Variants in UMODL1 observed in about 807,000 individuals in gnomAD.
UMODL1 encodes the protein uromodulin like 1.
UMODL1 carries 128 observed loss-of-function variants against 136.3 expected under a neutral mutation model. The observed-to-expected ratio is 0.94, with a 90% CI of 0.81 to 1.09. UMODL1 has a LOEUF of 1.09. Among genes scored for constraint, UMODL1 ranks in the 50% least tolerant of loss-of-function variants. The probability of loss-of-function intolerance (pLI) is 0.00; values close to 1 mark genes in which losing one functional copy is unlikely to be tolerated. For missense variants in UMODL1, 1,766 were observed against 1,725.6 expected, an observed-to-expected ratio of 1.02 and a Z score of -0.41; for synonymous variants, 721 against 720.0, an observed-to-expected ratio of 1.00 and a Z score of -0.02.
chr21:42,127,604 A>C (rs2067076528), intron 19 of UMODL1, 68 bp from the exon 20 acceptor site: 7 of 1,516,400 alleles, frequency 4.6e-6, no homozygotes, highest in Admixed American at 2.1e-5. Context: ...GTCGTGAGTA[A>C]ACTCATCTGA....
At chr21:42,079,824 AT>A (rs1351710181) in intron 2 of UMODL1, among the ~76,000 whole-genome samples, 1 of 152,138 alleles carries the variant, frequency 6.6e-6, no homozygotes, top group African/African-American at 2.4e-5. Flanking sequence ...CCCCAGGCAG[AT>A]TTTTGGGGGT....
chr21:42,073,031 CGT>C (rs774254202), intron 1 of UMODL1, among the ~76,000 whole-genome samples: 8 of 151,160 alleles, frequency 5.3e-5, no homozygotes, highest in African/African-American at 9.7e-5. Context: ...TGCGCGCGCG[CGT>C]GTGTGTGTGT....
At chr21:42,121,262 T>C in intron 16 of UMODL1, 38 bp downstream of exon 16, 3 of 1,574,646 alleles carry the variant, frequency 1.9e-6, no homozygotes, top group Non-Finnish European at 2.6e-6. Context: ...GAATACTGTA[T>C]CATAATCGGT....
At position 42,088,162 on chromosome 21, in the gene UMODL1, A is replaced by G. The variant is rs1045442619; in HGVS notation, c.604-132A>G. ...ATAGTGATGGATAGATAAGTACTGTAGAGGTTCTTTGCTGAAGAGCAGAAT... is the reference window on the plus strand; with the variant it reads ...ATAGTGATGGATAGATAAGTACTGTGGAGGTTCTTTGCTGAAGAGCAGAAT... On this transcript the variant is annotated intron_variant, in intron 4 of 22. Coordinates refer to ENST00000408910, the MANE Select transcript of UMODL1 (RefSeq NM_001004416.3). 10 of 894,096 alleles carry G rather than the reference A, an allele frequency of 1.1e-5. No individual in the cohort carries two copies. In the Admixed American group the frequency reaches 1.3e-4, roughly 12 times the overall value. 55.4% of individuals were successfully genotyped at this position (894,096 alleles called of 1,614,324 possible).
rs377183630 is a variant in UMODL1, at chr21:42,104,080, C to T, written c.1512C>T (p.Arg504=). The T allele has an allele frequency of 6.2e-6, 10 of 1,609,704 alleles. No individual in the cohort carries two copies. The highest frequency in any genetic ancestry group is 1.7e-4 in the Middle Eastern group (1 of 6,034). The change falls in exon 9 of 23, where the codon CGC becomes CGT. Residue 504 remains arginine (R), a synonymous_variant. Coordinates refer to ENST00000408910, the MANE Select transcript of UMODL1 (RefSeq NM_001004416.3). ...TVFQIDRQGT[R]VQDWDECVDS... ...TCCAGATTGACCGGCAGGGGACACG[C>T]GTGCAAGGTATGGCCCAGCCACCCG... is the stretch of plus-strand genomic sequence containing the variant.
chr21:42,071,279 A>T, upstream of UMODL1: 1 of 1,482,700 alleles, frequency 6.7e-7, no homozygotes, highest in Non-Finnish European at 9.0e-7. Flanking sequence ...GCTTCTTGGT[A>T]GAGGCCCAGA....
At position 42,095,089 on chromosome 21, in the gene UMODL1, G is replaced by GGTTTTTTTTTTTTTTTTT. The variant is rs1555922532; in HGVS notation, c.932-3837_932-3836insGTTTTTTTTTTTTTTTTT. Reference sequence around the variant, plus strand: ...CATCACTCCTTTGTTTTCTTCTGCTGTTTTTTTTTTTTTTTTTTTTTTTGA... The same window carrying GGTTTTTTTTTTTTTTTTT: ...CATCACTCCTTTGTTTTCTTCTGCTGGTTTTTTTTTTTTTTTTTTTTTTTTTTTTTTTTTTTTTTTTGA... On this transcript the variant is annotated intron_variant, in intron 6 of 22. Coordinates refer to ENST00000408910, the MANE Select transcript of UMODL1 (RefSeq NM_001004416.3). Among the ~76,000 whole-genome samples the GGTTTTTTTTTTTTTTTTT allele has an allele frequency of 3.6e-3, 219 of 61,208 alleles. 43 individuals carry two copies. The highest frequency in any genetic ancestry group is 6.2e-3 in the South Asian group (9 of 1,448). The allele number at this position is 61,208 out of a possible 152,430, so 40.2% of individuals were successfully genotyped here.
In UMODL1 at chr21:42,071,330, C is replaced by T. The variant is rs376886035; in HGVS notation, c.14C>T (p.Ser5Leu). MLRTSGLALLALVSA... is the reference protein window; with the variant it reads MLRTLGLALLALVSA... ...CACTGCCGGACGATGCTCAGGACCT[C>T]GGGGCTGGCACTGCTGGCTCTGGTC... Residue 5 changes from serine to leucine, a missense_variant, in exon 1 of 23, where the codon TCG (serine) becomes TTG (leucine). By Grantham distance (145) the Ser-to-Leu change is moderately radical. Transcript: ENST00000408910. 9.5e-5 allele frequency: 152 copies of T among 1,594,134 alleles called. No individual in the cohort carries two copies. The highest frequency in any genetic ancestry group is 1.0e-4 in the Non-Finnish European group (122 of 1,170,668).
intron 3 of UMODL1, 99 bp downstream of exon 3, chr21:42,084,344 G>C (rs969437784): frequency 3.4e-5 from 46 of 1,358,716 alleles, no homozygotes; most frequent in Middle Eastern, 2.6e-4. Flanking sequence ...GTTTCTAGGA[G>C]CAGTGACCGA....
chr21:42,090,395 A>C lies in UMODL1; in HGVS notation c.888A>C (p.Glu296Asp). The C allele has an allele frequency of 6.2e-6, 10 of 1,614,062 alleles. No individual in the cohort carries two copies. The highest frequency in any genetic ancestry group is 8.5e-6 in the Non-Finnish European group (10 of 1,179,956). ...CGTACTGGTGCGTCTGTCACCAGGA[A>C]GCTCCAGCCACGTCTCCACGGAAGC... is the stretch of plus-strand genomic sequence containing the variant. Reference protein sequence around the residue: ...EGSYWCVCHQEAPATSPRKLN... With the variant: ...EGSYWCVCHQDAPATSPRKLN... The change falls in exon 6 of 23, where the codon GAA becomes GAC. Residue 296 changes from glutamate (E) to aspartate (D), a missense_variant. Glu to Asp is a conservative substitution (Grantham distance 45). Transcript: ENST00000408910.
At chr21:42,128,225 G>T in intron 20 of UMODL1, 1 of 297,688 alleles carries the variant, frequency 3.4e-6, no homozygotes, top group Non-Finnish European at 6.6e-6. Context: ...CAGACACTCT[G>T]TTATTTAATA....
At chr21:42,126,544 C>A (rs750304734) in intron 18 of UMODL1, 54 bp downstream of exon 18, 2 of 1,611,712 alleles carry the variant, frequency 1.2e-6, no homozygotes, top group Non-Finnish European at 1.7e-6. Context: ...AGACCACCTG[C>A]GCTTTGAGAG....
intron 1 of UMODL1, 49 bp from the exon 2 acceptor site, chr21:42,075,956 G>T (rs73905530): frequency 6.2e-7 from 1 of 1,602,870 alleles, no homozygotes; most frequent in Admixed American, 1.7e-5. Flanking sequence ...CCGCTCGCAC[G>T]GATCTGATCC....
rs534068576 is a variant in UMODL1, at chr21:42,118,520, T to A, written c.2476-591T>A. On this transcript the variant is annotated intron_variant, in intron 14 of 22. Coordinates refer to ENST00000408910, the MANE Select transcript of UMODL1 (RefSeq NM_001004416.3). ...TCATATAGCGTGTGGTGTGTGACTGTGTCCAAAGAGACAGAGTAGAAAGCA... is the reference window on the plus strand; with the variant it reads ...TCATATAGCGTGTGGTGTGTGACTGAGTCCAAAGAGACAGAGTAGAAAGCA... 8.5e-5 allele frequency among the ~76,000 whole-genome samples: 13 copies of A among 152,316 alleles called. No homozygotes were observed. The South Asian group carries it at 2.7e-3, about 32-fold the overall frequency.
rs945826750 is a variant in UMODL1 at position 42,099,361 on chromosome 21, G to A, written c.1186+181G>A. 3.3e-5 allele frequency among the ~76,000 whole-genome samples: 5 copies of A among 152,166 alleles called. No individual in the cohort carries two copies. Among genetic ancestry groups the A allele is most frequent in the Admixed American group, 1.3e-4 (2 of 15,286 alleles). ...TGCCTGCCCGGCATTGCACCGGCCC[G>A]CTGGTGCCTTCACTGGCTCCCTCGC... On this transcript the variant is annotated intron_variant, in intron 7 of 22. Transcript: ENST00000408910. The surrounding 1 kb of genome is among the most constrained non-coding windows in gnomAD (Gnocchi z 4.1).
At chr21:42,141,429 A>G (rs2067279884) in intron 22 of UMODL1, among the ~76,000 whole-genome samples, 1 of 152,210 alleles carries the variant, frequency 6.6e-6, no homozygotes, top group South Asian at 2.1e-4. Context: ...TCACCTCCCT[A>G]GATAGAGTTA....
intron 2 of UMODL1, among the ~76,000 whole-genome samples, chr21:42,083,573 A>G (rs999658160): frequency 3.9e-5 from 6 of 152,184 alleles, no homozygotes; most frequent in African/African-American, 1.4e-4. Context: ...TGTCCTTCCA[A>G]TCCCCCACAC....
intron 15 of UMODL1, chr21:42,120,422 A>T (rs2066954472): frequency 6.6e-6 from 1 of 152,276 alleles, no homozygotes; most frequent in Non-Finnish European, 1.5e-5. Flanking sequence ...AAAGCCAAAG[A>T]GTTGGAAATC....
At chr21:42,073,373 C>A (rs1285482787) in intron 1 of UMODL1, among the ~76,000 whole-genome samples, 1 of 152,180 alleles carries the variant, frequency 6.6e-6, no homozygotes, top group African/African-American at 2.4e-5. Context: ...TGTCCTGTTC[C>A]ACCCCGTACG....
Sources: gnomAD v4.1 joint callset for allele counts (sites outside exome capture counted in the v4.1 genomes callset) on GRCh38, gnomAD v4.1.1 for gene constraint, Gnocchi (gnomAD v3.1) non-coding constraint, MANE v1.5 for transcripts, NCBI Gene and HGNC (gene_info 2026-07-23, HGNC 2026-07-21) for gene names.